The following ZFHX3 variants were observed in gnomAD, a reference collection of about 807,000 sequenced individuals.
The protein encoded by ZFHX3 is zinc finger homeobox protein 3.
ZFHX3 carries 42 observed loss-of-function variants against 279.1 expected under a neutral mutation model. That is an observed-to-expected ratio of 0.15 (90% confidence interval 0.12 to 0.19). The LOEUF is 0.19. Ranked by LOEUF, ZFHX3 falls within the 10% of genes least tolerant of loss-of-function variation. The pLI is 1.00. For missense variants in ZFHX3, 4,981 were observed against 4,754.0 expected, an observed-to-expected ratio of 1.05 and a Z score of -1.40; for synonymous variants, 2,293 against 1,957.8, an observed-to-expected ratio of 1.17 and a Z score of -4.52.
chr16:73,046,930 C>G (rs1028960927), intron 1 of ZFHX3, among the ~76,000 whole-genome samples: 1 of 152,110 alleles, frequency 6.6e-6, no homozygotes, highest in East Asian at 1.9e-4. Flanking sequence ...CTGGATTCAC[C>G]TGCTCACGGC....
At chr16:73,003,962 C>A (rs1963600270) in intron 1 of ZFHX3, among the ~76,000 whole-genome samples, 1 of 144,060 alleles carries the variant, frequency 6.9e-6, no homozygotes, top group Non-Finnish European at 1.5e-5. Flanking sequence ...TTTTTTTCCA[C>A]TTAGTTCAAA....
intron 5 of ZFHX3, among the ~76,000 whole-genome samples, chr16:73,156,817 G>A (rs1967096744): frequency 6.6e-6 from 1 of 152,044 alleles, no homozygotes; most frequent in African/African-American, 2.4e-5. Context: ...GGGTTCAAGT[G>A]ATTCTCCTGC....
intron 3 of ZFHX3, among the ~76,000 whole-genome samples, chr16:73,347,843 G>T (rs1366447077): frequency 6.6e-6 from 1 of 152,224 alleles, no homozygotes; most frequent in African/African-American, 2.4e-5. Context: ...TTAAAGTCCT[G>T]AACACTATAA....
At chr16:73,353,122 G>A (rs2016277667) in intron 3 of ZFHX3, among the ~76,000 whole-genome samples, 1 of 152,224 alleles carries the variant, frequency 6.6e-6, no homozygotes, top group South Asian at 2.1e-4. Flanking sequence ...GATCATCTAA[G>A]TTCTCAAGAA....
chr16:73,838,015 C>T (rs1339829186), intron 1 of ZFHX3, among the ~76,000 whole-genome samples: 2 of 152,236 alleles, frequency 1.3e-5, no homozygotes, highest in East Asian at 1.9e-4. Context: ...GCCCCAGTGT[C>T]ACTGCCACAC....
At chr16:73,308,287 T>C (rs1014801627) in intron 4 of ZFHX3, among the ~76,000 whole-genome samples, 15 of 112,322 alleles carry the variant, frequency 1.3e-4, no homozygotes, top group African/African-American at 4.3e-4. Flanking sequence ...ATTTATTTAT[T>C]TATTTTTGAG....
chr16:73,463,718 C>T (rs950607363), intron 2 of ZFHX3, among the ~76,000 whole-genome samples: 2 of 152,156 alleles, frequency 1.3e-5, no homozygotes, highest in Non-Finnish European at 1.5e-5. Flanking sequence ...CGCTGGCCCT[C>T]ATATCATGAA....
chr16:73,782,588 A>G (rs980945960), intron 1 of ZFHX3, among the ~76,000 whole-genome samples: 1 of 152,158 alleles, frequency 6.6e-6, no homozygotes, highest in Non-Finnish European at 1.5e-5. Flanking sequence ...TGGGCTGCCC[A>G]CTGATTATCT....
At chr16:72,941,655 T>C (rs937391915) in intron 3 of ZFHX3, among the ~76,000 whole-genome samples, 1 of 117,582 alleles carries the variant, frequency 8.5e-6, no homozygotes, top group Non-Finnish European at 1.7e-5. Flanking sequence ...CCTGTTTCTA[T>C]TTTTTTTTAA....
intron 3 of ZFHX3, among the ~76,000 whole-genome samples, chr16:72,936,605 G>A (rs150409055): frequency 9.8e-5 from 15 of 152,290 alleles, no homozygotes; most frequent in East Asian, 9.7e-4. Flanking sequence ...TGTGGCAGGC[G>A]CCAGCTTAGC....
intron 7 of ZFHX3, among the ~76,000 whole-genome samples, chr16:73,112,118 G>T (rs547496748): frequency 3.9e-5 from 6 of 152,110 alleles, no homozygotes; most frequent in African/African-American, 1.2e-4. Flanking sequence ...CGGGCATGTT[G>T]GACAAACTTC....
intron 3 of ZFHX3, among the ~76,000 whole-genome samples, chr16:73,433,937 A>G (rs1305173404): frequency 6.6e-6 from 1 of 152,206 alleles, no homozygotes; most frequent in East Asian, 1.9e-4. Context: ...GAAAGACTGG[A>G]AAAGCCTTCA....
chr16:72,958,288 G>A lies in ZFHX3; in HGVS notation c.1858C>T (p.His620Tyr), dbSNP rs1413049341. 8.1e-6 allele frequency: 13 copies of A among 1,613,934 alleles called. No homozygotes were observed. The highest frequency in any genetic ancestry group is 1.1e-5 in the Non-Finnish European group (13 of 1,179,910). The change falls in exon 2 of 10, where the codon CAC becomes TAC. Residue 620 changes from histidine (H) to tyrosine (Y), a missense_variant. Physicochemically the swap from His to Tyr is moderately conservative, Grantham distance 83. This residue lies in a region of ZFHX3 where 1,068 missense variants were observed against 935.2 expected (regional missense o/e 1.14). Transcript: ENST00000268489. Reference sequence around the variant, plus strand: ...TCGCAGAGGGAGCCAGCGTGCTGGTGATGGGGAACGAAGCCCCCATCGTCA... The same window carrying A: ...TCGCAGAGGGAGCCAGCGTGCTGGTAATGGGGAACGAAGCCCCCATCGTCA... ...EGDDGGFVPHHQHAGSLCELG... is the reference protein window; with the variant it reads ...EGDDGGFVPHYQHAGSLCELG...
intron 2 of ZFHX3, among the ~76,000 whole-genome samples, chr16:73,561,885 C>A (rs2020374729): frequency 6.6e-6 from 1 of 151,992 alleles, no homozygotes; most frequent in South Asian, 2.1e-4. Context: ...GCTGTGGGGG[C>A]CTCCTCTCCA....
chr16:73,541,346 C>G (rs1415364760), intron 2 of ZFHX3, among the ~76,000 whole-genome samples: 1 of 151,966 alleles, frequency 6.6e-6, no homozygotes. Context: ...CTTAGCCAGG[C>G]CTGTGGGTGC....
chr16:73,056,075 A>C (rs922374498), intron 1 of ZFHX3, among the ~76,000 whole-genome samples: 2 of 152,358 alleles, frequency 1.3e-5, no homozygotes, highest in Admixed American at 1.3e-4. Flanking sequence ...GGAGACACAC[A>C]GACAGAGGAA....
chr16:73,890,358 T>C (rs1386972730), intron 1 of ZFHX3, among the ~76,000 whole-genome samples: 2 of 152,132 alleles, frequency 1.3e-5, no homozygotes, highest in Non-Finnish European at 2.9e-5. Context: ...GCAGCGAATG[T>C]TCCATTTTTA....
intron 3 of ZFHX3, among the ~76,000 whole-genome samples, chr16:72,913,383 C>T (rs1187039587): frequency 1.3e-5 from 2 of 152,196 alleles, no homozygotes; most frequent in Admixed American, 6.5e-5. Flanking sequence ...AAGACCTGGG[C>T]GCTTCTGACA....
intron 4 of ZFHX3, among the ~76,000 whole-genome samples, chr16:73,312,052 T>G (rs372432942): frequency 3.9e-4 from 59 of 152,272 alleles, no homozygotes; most frequent in East Asian, 3.3e-3. Context: ...AATGCAGTGG[T>G]GTGTGACGTA....
Sources: gnomAD v4.1 joint callset for allele counts (sites outside exome capture counted in the v4.1 genomes callset) on GRCh38, gnomAD v4.1.1 for gene constraint, gnomAD v4.1.1 regional missense constraint, MANE v1.5 for transcripts, NCBI Gene and HGNC (gene_info 2026-07-23, HGNC 2026-07-21) for gene names.